LPP: variants seen among roughly 807,000 people sequenced by gnomAD.
LPP encodes the protein lipoma-preferred partner.
A neutral mutation model predicts 60.4 loss-of-function variants in LPP; 38 were observed. The observed-to-expected ratio is 0.63, with a 90% confidence interval of 0.49 to 0.83. The LOEUF (loss-of-function observed/expected upper bound fraction) is 0.83, where lower values mean the gene tolerates loss of function less well. Among genes scored for constraint, LPP ranks in the 40% least tolerant of loss-of-function variants. LPP has a pLI of 0.00. For missense variants in LPP, 902 were observed against 783.6 expected, an observed-to-expected ratio of 1.15 and a Z score of -1.80; for synonymous variants, 328 against 290.8, an observed-to-expected ratio of 1.13 and a Z score of -1.30.
chr3:188,696,849 G>A (rs996248872), intron 7 of LPP, among the ~76,000 whole-genome samples: 3 of 152,002 alleles, frequency 2.0e-5, no homozygotes, highest in African/African-American at 7.3e-5. Context: ...CTATGAACTG[G>A]TTGCATCTCA....
intron 9 of LPP, among the ~76,000 whole-genome samples, chr3:188,780,391 G>A (rs1191256186): frequency 6.6e-6 from 1 of 152,186 alleles, no homozygotes; most frequent in Non-Finnish European, 1.5e-5. Flanking sequence ...TCCTTTAAGG[G>A]CTTCCCATCA....
intron 7 of LPP, among the ~76,000 whole-genome samples, chr3:188,619,428 G>C (rs1490901701): frequency 6.6e-6 from 1 of 152,186 alleles, no homozygotes; most frequent in Admixed American, 6.5e-5. Context: ...TCTCTGCAGG[G>C]GCAGAAAAAT....
Position 188,889,996 on chromosome 3 carries a change from C to A in LPP, c.*15517C>A. The stretch of plus-strand genomic sequence containing the variant: ...TTGGGATACAGAGATTTTTTTTTTC[C>A]TTGGAAACAAATGGACTGGGAAGAA... On this transcript the variant is annotated 3_prime_UTR_variant, in exon 12 of 12. Coordinates refer to ENST00000617246, the MANE Select transcript of LPP (RefSeq NM_001375462.1). 4.8e-6 allele frequency: 1 copy of A among 209,828 alleles called. No homozygotes were observed. Among genetic ancestry groups the A allele is most frequent in the Non-Finnish European group, 9.6e-6 (1 of 104,160 alleles). The allele number at this position is 209,828 out of a possible 1,614,324, so 13.0% of individuals were successfully genotyped here.
At chr3:188,195,770 T>A (rs1009398061) in intron 1 of LPP, among the ~76,000 whole-genome samples, 1 of 152,220 alleles carries the variant, frequency 6.6e-6, no homozygotes, top group African/African-American at 2.4e-5. Flanking sequence ...AATGCATTTC[T>A]CCTATGATTT....
chr3:188,514,985 C>CTGG (rs1816918201), intron 5 of LPP, among the ~76,000 whole-genome samples: 1 of 152,058 alleles, frequency 6.6e-6, no homozygotes. Flanking sequence ...ATTGCTAACA[C>CTGG]TGGGTGAGTG....
chr3:188,335,780 A>G (rs1341153443), intron 2 of LPP, among the ~76,000 whole-genome samples: 3 of 151,910 alleles, frequency 2.0e-5, no homozygotes, highest in Non-Finnish European at 4.4e-5. Flanking sequence ...GTGGTGTCAT[A>G]TTTTATTGCT....
chr3:188,874,765 A>C lies in LPP; in HGVS notation c.*286A>C, dbSNP rs922009430. The C allele has an allele frequency of 1.5e-4, 43 of 295,466 alleles. No individual in the cohort carries two copies. Among genetic ancestry groups the C allele is most frequent in the Non-Finnish European group, 2.4e-4 (38 of 157,400 alleles). The allele number at this position is 295,466 out of a possible 1,614,324, so 18.3% of individuals were successfully genotyped here. ...CACTTCTGCATTCCTGTAACTTTTA[A>C]TCCCTATGTTTGTCTCACTTTTCAT... is the stretch of plus-strand genomic sequence containing the variant. On this transcript the variant is annotated 3_prime_UTR_variant, in exon 12 of 12. Coordinates refer to ENST00000617246, the MANE Select transcript of LPP (RefSeq NM_001375462.1).
intron 6 of LPP, among the ~76,000 whole-genome samples, chr3:188,557,574 G>A (rs1194199761): frequency 1.3e-5 from 2 of 152,076 alleles, no homozygotes; most frequent in Non-Finnish European, 2.9e-5. Flanking sequence ...TTTGTCAGGA[G>A]TAATAAGTTT....
rs1769951113 is a variant in LPP at position 188,881,139 on chromosome 3, C to CATAAAAAAAAAAAAAAAAAAAAA, written c.*6661_*6662insTAAAAAAAAAAAAAAAAAAAAAA. On this transcript the variant is annotated 3_prime_UTR_variant, in exon 12 of 12. Transcript: ENST00000617246. ...TGGGCGAAAGAGCGAGACTCCGTCT[C>CATAAAAAAAAAAAAAAAAAAAAA]AAAAAAAAAAAAAAAAAAATAGGAT... 1.4e-5 allele frequency: 1 copy of CATAAAAAAAAAAAAAAAAAAAAA among 72,388 alleles called. No homozygotes were observed. The highest frequency in any genetic ancestry group is 3.1e-5 in the Non-Finnish European group (1 of 32,568). 4.5% of individuals were successfully genotyped at this position (72,388 alleles called of 1,614,324 possible). A position where few individuals can be genotyped will look rare whatever the true frequency, so the allele number is the denominator to read the frequency against.
chr3:188,589,137 T>C (rs574968772), intron 6 of LPP, among the ~76,000 whole-genome samples: 6 of 152,036 alleles, frequency 3.9e-5, no homozygotes, highest in South Asian at 2.1e-4. Context: ...TATATACATA[T>C]ATATGTACAT....
At chr3:188,671,514 C>T (rs1856954862) in intron 7 of LPP, among the ~76,000 whole-genome samples, 1 of 152,138 alleles carries the variant, frequency 6.6e-6, no homozygotes, top group Admixed American at 6.5e-5. Context: ...TCCCCCTTTC[C>T]CTTACTACAT....
At chr3:188,340,495 A>G (rs961922242) in intron 2 of LPP, among the ~76,000 whole-genome samples, 1 of 151,006 alleles carries the variant, frequency 6.6e-6, no homozygotes, top group Non-Finnish European at 1.5e-5. Flanking sequence ...CCTTTATGTA[A>G]ACGGGACATT....
chr3:188,651,993 A>G (rs1183344476), intron 7 of LPP, among the ~76,000 whole-genome samples: 1 of 152,164 alleles, frequency 6.6e-6, no homozygotes, highest in Non-Finnish European at 1.5e-5. Flanking sequence ...TGACTTTTTC[A>G]GGGTTTCACT....
At chr3:188,685,318 A>G (rs1860461431) in intron 7 of LPP, among the ~76,000 whole-genome samples, 2 of 152,084 alleles carry the variant, frequency 1.3e-5, no homozygotes, top group South Asian at 4.2e-4. Flanking sequence ...GACCCTACAG[A>G]GAATGGCTGG....
chr3:188,512,002 G>A (rs1338332602), intron 5 of LPP, among the ~76,000 whole-genome samples: 1 of 152,204 alleles, frequency 6.6e-6, no homozygotes, highest in Non-Finnish European at 1.5e-5. Context: ...TTCACAGTGG[G>A]AGGTGTTAAA....
At position 188,812,968 on chromosome 3, in the gene LPP, A is replaced by G. The variant is rs945600112; in HGVS notation, c.1410+52686A>G. Among the ~76,000 whole-genome samples, 25 of 152,200 alleles carry G rather than the reference A, an allele frequency of 1.6e-4. 1 individual carries two copies. Among genetic ancestry groups the G allele is most frequent in the African/African-American group, 5.8e-4 (24 of 41,536 alleles). On this transcript the variant is annotated intron_variant, in intron 9 of 11. Transcript: ENST00000617246. The stretch of plus-strand genomic sequence containing the variant: ...GGGCAGGGAAAGGGAAGGAGAATGG[A>G]CCCAAACTAATAAAAGGATTGATCA...
chr3:188,692,976 A>G (rs1862447095), intron 7 of LPP, among the ~76,000 whole-genome samples: 1 of 152,242 alleles, frequency 6.6e-6, no homozygotes, highest in African/African-American at 2.4e-5. Context: ...GAATAAAGCC[A>G]GTTATAACTT....
intron 6 of LPP, among the ~76,000 whole-genome samples, chr3:188,546,203 A>G (rs1040782530): frequency 4.6e-5 from 7 of 152,186 alleles, no homozygotes; most frequent in Admixed American, 3.9e-4. Context: ...CATAAGTGGC[A>G]GAGTTCAGGT....
chr3:188,651,803 TG>T (rs1852141799), intron 7 of LPP, among the ~76,000 whole-genome samples: 1 of 152,084 alleles, frequency 6.6e-6, no homozygotes, highest in African/African-American at 2.4e-5. Flanking sequence ...CCACAACACA[TG>T]GGAATTAAAG....
Sources: allele counts gnomAD v4.1 joint callset (sites outside exome capture counted in the v4.1 genomes callset), GRCh38; gene constraint gnomAD v4.1.1; transcripts MANE v1.5; gene names NCBI Gene and HGNC (gene_info 2026-07-23, HGNC 2026-07-21).